GLDC: variants seen among roughly 807,000 people sequenced by gnomAD.
GLDC encodes glycine decarboxylase.
In GLDC, 104 loss-of-function variants were observed where a neutral mutation model predicts 121.3. The observed-to-expected ratio is 0.86, with a 90% CI of 0.73 to 1.01. The LOEUF (loss-of-function observed/expected upper bound fraction) is 1.01. Among genes scored for constraint, GLDC ranks in the 50% least tolerant of loss-of-function variants. The pLI is 0.00. For missense variants in GLDC, 1,429 were observed against 1,306.6 expected, an observed-to-expected ratio of 1.09 and a Z score of -1.44; for synonymous variants, 546 against 480.6, an observed-to-expected ratio of 1.14 and a Z score of -1.78.
intron 2 of GLDC, among the ~76,000 whole-genome samples, chr9:6,624,774 G>T (rs1018742258): frequency 6.6e-6 from 1 of 152,006 alleles, no homozygotes; most frequent in Admixed American, 6.6e-5. Context: ...ATCACTTGAG[G>T]TCAAGGAGTT....
At chr9:6,602,432 A>G (rs1190494851) in intron 7 of GLDC, among the ~76,000 whole-genome samples, 2 of 150,894 alleles carry the variant, frequency 1.3e-5, no homozygotes, top group Admixed American at 6.6e-5. Flanking sequence ...GCTGGAGTGC[A>G]ATGGCGTGAT....
intron 15 of GLDC, among the ~76,000 whole-genome samples, chr9:6,584,773 C>T (rs1818235209): frequency 6.6e-6 from 1 of 152,196 alleles, no homozygotes; most frequent in Non-Finnish European, 1.5e-5. Context: ...CTCAAATCAG[C>T]TCTTGGAAAT....
chr9:6,557,213 G>C (rs1230845200), intron 17 of GLDC, among the ~76,000 whole-genome samples: 1 of 151,892 alleles, frequency 6.6e-6, no homozygotes, highest in East Asian at 1.9e-4. Context: ...TGGATATGCT[G>C]ATTACCCTGA....
chr9:6,606,643 A>G lies in GLDC; in HGVS notation c.662T>C (p.Val221Ala), dbSNP rs1313892401. 3 of 1,608,126 alleles carry G rather than the reference A, an allele frequency of 1.9e-6. No individual in the cohort carries two copies. The highest frequency in any genetic ancestry group is 1.3e-5 in the African/African-American group (1 of 74,596). Residue 221 changes from valine to alanine, a missense_variant, in exon 5 of 25, where the codon GTT becomes GCT. By Grantham distance (64) the Val-to-Ala change is moderately conservative. Transcript: ENST00000321612. ...TGTCTGTGGGTGGCAACGGGGATCAACGAGAAATTTCCTCCTCTTGTTGTG... is the reference window on the plus strand; with the variant it reads ...TGTCTGTGGGTGGCAACGGGGATCAGCGAGAAATTTCCTCCTCTTGTTGTG... ...YRHNKRRKFLVDPRCHPQTIA... is the reference protein window; with the variant it reads ...YRHNKRRKFLADPRCHPQTIA...
intron 15 of GLDC, among the ~76,000 whole-genome samples, chr9:6,566,063 G>A (rs1207853142): frequency 3.9e-5 from 6 of 152,122 alleles, no homozygotes; most frequent in African/African-American, 1.2e-4. Flanking sequence ...GCAGCATGGC[G>A]GAACAGTGTC....
At chr9:6,604,564 G>C (rs369192361) in intron 7 of GLDC, 24 bp downstream of exon 7, 1 of 1,580,734 alleles carries the variant, frequency 6.3e-7, no homozygotes, top group Non-Finnish European at 8.7e-7. Context: ...CACAATAAAA[G>C]TAGAGAAACA....
chr9:6,604,505 C>A, intron 7 of GLDC, 83 bp downstream of exon 7: 2 of 1,275,578 alleles, frequency 1.6e-6, no homozygotes, highest in Non-Finnish European at 1.1e-6. Flanking sequence ...CAGTTGAATT[C>A]AGATAGAAAT....
intron 2 of GLDC, among the ~76,000 whole-genome samples, chr9:6,624,318 G>T (rs1819187155): frequency 6.6e-6 from 1 of 152,212 alleles, no homozygotes; most frequent in African/African-American, 2.4e-5. Context: ...ATGAGATCAT[G>T]CTGGATTAGG....
chr9:6,534,164 C>G (rs1042766316), intron 24 of GLDC: 2 of 122,168 alleles, frequency 1.6e-5, no homozygotes, highest in African/African-American at 3.4e-5. Context: ...GCCTGGGCAA[C>G]AGAGCGAGAC....
intron 20 of GLDC, among the ~76,000 whole-genome samples, chr9:6,552,600 T>C (rs558300366): frequency 7.9e-5 from 12 of 152,312 alleles, no homozygotes; most frequent in African/African-American, 2.2e-4. Context: ...TCTGGAATGA[T>C]TGGCATAGCT....
chr9:6,544,741 A>G (rs1817350803), intron 21 of GLDC, among the ~76,000 whole-genome samples: 2 of 151,828 alleles, frequency 1.3e-5, no homozygotes, highest in Admixed American at 1.3e-4. Flanking sequence ...TGGGAACTCC[A>G]TTCAGATCAA....
chr9:6,596,956 T>C lies in GLDC; in HGVS notation c.1156-1837A>G, dbSNP rs533735679. Reference sequence around the variant, plus strand: ...TACACAGAAGTGTTCACAGCAGGCTTATTTGAAACACCCCAAATGTTTACC... The same window carrying C: ...TACACAGAAGTGTTCACAGCAGGCTCATTTGAAACACCCCAAATGTTTACC... On this transcript the variant is annotated intron_variant, in intron 8 of 24. Coordinates refer to ENST00000321612, the MANE Select transcript of GLDC (RefSeq NM_000170.3). Among the ~76,000 whole-genome samples the C allele has an allele frequency of 2.0e-5, 3 of 152,348 alleles. No homozygotes were observed. The South Asian group carries it at 6.2e-4, about 32-fold the overall frequency.
intron 16 of GLDC, among the ~76,000 whole-genome samples, 178 bp from the exon 17 acceptor site, chr9:6,558,862 T>C (rs1315985804): frequency 6.6e-6 from 1 of 152,154 alleles, no homozygotes; most frequent in Non-Finnish European, 1.5e-5. Context: ...CAAAGCAATG[T>C]CCAAAAAAAG....
intron 4 of GLDC, among the ~76,000 whole-genome samples, chr9:6,609,841 C>T (rs1165740210): frequency 6.6e-6 from 1 of 152,092 alleles, no homozygotes; most frequent in Non-Finnish European, 1.5e-5. Flanking sequence ...TGGCTGCTTC[C>T]CCAAGCCAGC....
intron 21 of GLDC, chr9:6,540,348 C>T (rs971603565): frequency 7.0e-6 from 4 of 571,894 alleles, no homozygotes; most frequent in Non-Finnish European, 9.4e-6. Flanking sequence ...GTTTAGCACA[C>T]TGTGCCGATG....
chr9:6,608,739 C>A (rs1279278398), intron 4 of GLDC, among the ~76,000 whole-genome samples: 1 of 151,672 alleles, frequency 6.6e-6, no homozygotes, highest in Non-Finnish European at 1.5e-5. Context: ...GAGCGAGACT[C>A]CGTCTCAAAT....
At chr9:6,631,732 A>T (rs1819383311) in intron 2 of GLDC, among the ~76,000 whole-genome samples, 1 of 152,222 alleles carries the variant, frequency 6.6e-6, no homozygotes, top group African/African-American at 2.4e-5. Context: ...TCCAACTCAA[A>T]CAGTGTATCA....
chr9:6,576,710 G>A lies in GLDC; in HGVS notation c.1850+10431C>T, dbSNP rs527394986. 4.7e-4 allele frequency among the ~76,000 whole-genome samples: 72 copies of A among 152,184 alleles called. 1 individual carries two copies. The Middle Eastern group carries it at 0.01, about 22-fold the overall frequency. On this transcript the variant is annotated intron_variant, in intron 15 of 24. Transcript: ENST00000321612. The stretch of plus-strand genomic sequence containing the variant: ...TCAAACTCCTGATCTCAGGTGATCC[G>A]CCTGCCTCGGCCTCCCAAAGTGCTG...
chr9:6,636,960 T>C (rs1308859825), intron 2 of GLDC, among the ~76,000 whole-genome samples: 2 of 151,816 alleles, frequency 1.3e-5, no homozygotes, highest in Non-Finnish European at 2.9e-5. Flanking sequence ...GGTGGGTGCC[T>C]GTAATCCCAG....
Sources: allele counts gnomAD v4.1 joint callset (sites outside exome capture counted in the v4.1 genomes callset), GRCh38; gene constraint gnomAD v4.1.1; transcripts MANE v1.5; gene names NCBI Gene and HGNC (gene_info 2026-07-23, HGNC 2026-07-21).